Variants in GTF2I observed in about 807,000 individuals in gnomAD.
GTF2I encodes general transcription factor IIi, also known as general transcription factor II-I.
In GTF2I, 12 loss-of-function variants were observed where a neutral mutation model predicts 67.6. That is an observed-to-expected ratio of 0.18 (90% CI 0.11 to 0.29). The LOEUF (loss-of-function observed/expected upper bound fraction) is 0.29, where lower values mean the gene tolerates loss of function less well. Ranked by LOEUF, GTF2I falls within the 10% of genes least tolerant of loss-of-function variation. The pLI, the probability that GTF2I is intolerant of heterozygous loss-of-function variation, is 1.00. For synonymous variants in GTF2I, 149 were observed against 197.0 expected, an observed-to-expected ratio of 0.76 and a Z score of 2.04; for missense variants, 271 against 580.1, an observed-to-expected ratio of 0.47 and a Z score of 5.47.
chr7:74,684,345 C>T (rs587744290), intron 1 of GTF2I, among the ~76,000 whole-genome samples: 2 of 152,330 alleles, frequency 1.3e-5, no homozygotes, highest in African/African-American at 4.8e-5. Context: ...CCCAGGGGCA[C>T]GCAGCGAGAT....
At chr7:74,691,259 T>G (rs1584147326) in intron 3 of GTF2I, 148 bp downstream of exon 3, 1 of 606,670 alleles carries the variant, frequency 1.6e-6, no homozygotes, top group South Asian at 2.1e-5. Flanking sequence ...TAGGCTGGAG[T>G]GCAGTGGCAC....
intron 7 of GTF2I, 96 bp downstream of exon 7, chr7:74,705,314 T>C (rs1261273538): frequency 1.3e-6 from 1 of 760,950 alleles, no homozygotes; most frequent in African/African-American, 1.7e-5. Context: ...AAAGGCCTCA[T>C]GTCACACATC....
chr7:74,701,716 C>A (rs587631149), intron 6 of GTF2I, among the ~76,000 whole-genome samples: 1 of 152,270 alleles, frequency 6.6e-6, no homozygotes, highest in East Asian at 1.9e-4. Flanking sequence ...CCACCCGCCC[C>A]GGCCTCCCAA....
chr7:74,731,814 G>A (rs1441504763), intron 14 of GTF2I, among the ~76,000 whole-genome samples: 1 of 150,474 alleles, frequency 6.6e-6, no homozygotes, highest in Non-Finnish European at 1.5e-5. Flanking sequence ...CAGAGTGCTG[G>A]GATTACAGGC....
At chr7:74,664,469 T>G (rs1554387800) in intron 1 of GTF2I, among the ~76,000 whole-genome samples, 1 of 152,186 alleles carries the variant, frequency 6.6e-6, no homozygotes, top group African/African-American at 2.4e-5. Flanking sequence ...AGTCTCCCTC[T>G]GTCGCACAGG....
At chr7:74,732,158 T>TAC (rs1794554027) in intron 14 of GTF2I, among the ~76,000 whole-genome samples, 1 of 148,380 alleles carries the variant, frequency 6.7e-6, no homozygotes, top group African/African-American at 2.5e-5. Flanking sequence ...TATATATATA[T>TAC]ACATAAACAC....
chr7:74,680,483 T>C (rs1296161098), intron 1 of GTF2I, among the ~76,000 whole-genome samples: 2 of 151,994 alleles, frequency 1.3e-5, no homozygotes, highest in African/African-American at 4.8e-5. Flanking sequence ...GCTTATGCTT[T>C]TAATCCTAGC....
intron 14 of GTF2I, among the ~76,000 whole-genome samples, chr7:74,730,729 T>TTTC (rs1794395645): frequency 7.4e-6 from 1 of 135,048 alleles, no homozygotes; most frequent in Non-Finnish European, 1.6e-5. Context: ...TTTTTTTTTT[T>TTTC]TTTTTTTTTT....
intron 1 of GTF2I, among the ~76,000 whole-genome samples, chr7:74,665,136 T>G (rs1259831013): frequency 6.6e-6 from 1 of 151,204 alleles, no homozygotes; most frequent in Non-Finnish European, 1.5e-5. Flanking sequence ...GAGACGGGGT[T>G]TCTCCATTTT....
rs1562972338 is a variant in GTF2I, at chr7:74,718,743, A to G, written c.881-136A>G. 1.1e-5 allele frequency: 6 copies of G among 543,978 alleles called. 1 individual carries two copies. The highest frequency in any genetic ancestry group is 4.7e-4 in the Middle Eastern group (1 of 2,108). 33.7% of individuals were successfully genotyped at this position (543,978 alleles called of 1,614,324 possible). ...ATGACAAGGGTCAAATTTTAATTTC[A>G]TTAATATGAAATGAATGAAAATGCC... On this transcript the variant is annotated intron_variant, in intron 11 of 34. Coordinates refer to ENST00000573035, the MANE Select transcript of GTF2I (RefSeq NM_032999.4).
At chr7:74,722,670 C>G (rs1394729915) in intron 12 of GTF2I, 1 of 152,104 alleles carries the variant, frequency 6.6e-6, no homozygotes, top group African/African-American at 2.4e-5. Flanking sequence ...AAGTCAAACT[C>G]TGGCTTTTTT....
intron 1 of GTF2I, among the ~76,000 whole-genome samples, chr7:74,685,229 C>T (rs1216627113): frequency 2.0e-5 from 3 of 152,222 alleles, no homozygotes; most frequent in East Asian, 1.9e-4. Context: ...CTTGCCCTGC[C>T]GGGCTCCAGT....
rs1161837228 is a variant in GTF2I, at chr7:74,737,125, G to A, written c.1619+442G>A. 5.4e-5 allele frequency among the ~76,000 whole-genome samples: 8 copies of A among 148,256 alleles called. 2 individuals carry two copies. Among genetic ancestry groups the A allele is most frequent in the African/African-American group, 1.5e-4 (6 of 40,690 alleles). On this transcript the variant is annotated intron_variant, in intron 18 of 34. Coordinates refer to ENST00000573035, the MANE Select transcript of GTF2I (RefSeq NM_032999.4). ...GGAGAATCACTTGAACCCTAGAGGC[G>A]GAGGTTGCAGTGAGCCGAGATCGTG...
chr7:74,722,363 C>T (rs1793133441), intron 12 of GTF2I, among the ~76,000 whole-genome samples: 3 of 152,172 alleles, frequency 2.0e-5, no homozygotes. Context: ...AACACCGTGA[C>T]TACATTTCTG....
At chr7:74,678,633 G>C (rs183670873) in intron 1 of GTF2I, among the ~76,000 whole-genome samples, 1 of 152,100 alleles carries the variant, frequency 6.6e-6, no homozygotes, top group Admixed American at 6.6e-5. Flanking sequence ...GCGAGTCAAG[G>C]TTTTACTAAT....
intron 8 of GTF2I, among the ~76,000 whole-genome samples, chr7:74,708,643 TCTC>T (rs1791100418): frequency 6.6e-6 from 1 of 152,284 alleles, no homozygotes; most frequent in Middle Eastern, 3.4e-3. Context: ...CCAGATCTCT[TCTC>T]CTCCTCTAGC....
chr7:74,689,235 CT>C lies in GTF2I; in HGVS notation c.99+10del. The C allele has an allele frequency of 6.7e-7, 1 of 1,499,298 alleles. No individual in the cohort carries two copies. The highest frequency in any genetic ancestry group is 9.3e-7 in the Non-Finnish European group (1 of 1,076,822). The allele number at this position is 1,499,298 out of a possible 1,614,324, so 92.9% of individuals were successfully genotyped here. A position where few individuals can be genotyped will look rare whatever the true frequency, so the allele number is the denominator to read the frequency against. The stretch of plus-strand genomic sequence containing the variant: ...TCAGCTCTCGAGTCCATGGTGAGGC[CT>C]TCTGTTCCATCATTCCATAGTTGGG... On this transcript the variant is annotated intron_variant, in intron 2 of 34. Coordinates refer to ENST00000573035, the MANE Select transcript of GTF2I (RefSeq NM_032999.4).
intron 2 of GTF2I, among the ~76,000 whole-genome samples, chr7:74,689,645 C>G (rs1371955203): frequency 3.3e-5 from 5 of 151,678 alleles, no homozygotes; most frequent in African/African-American, 1.2e-4. Context: ...TGAACCACTG[C>G]CCCAACCAAT....
intron 1 of GTF2I, among the ~76,000 whole-genome samples, chr7:74,687,130 A>G (rs1787808543): frequency 6.6e-6 from 1 of 152,032 alleles, no homozygotes; most frequent in South Asian, 2.1e-4. Flanking sequence ...GCCTCATGAG[A>G]GTCACCTGCC....
Sources: allele counts gnomAD v4.1 joint callset (sites outside exome capture counted in the v4.1 genomes callset), GRCh38; gene constraint gnomAD v4.1.1; transcripts MANE v1.5; gene names NCBI Gene and HGNC (gene_info 2026-07-23, HGNC 2026-07-21).